PLEKHA5: variants seen among roughly 807,000 people sequenced by gnomAD.
The protein encoded by PLEKHA5 is pleckstrin homology domain containing A5, also known as pleckstrin homology domain-containing family A member 5.
Under a neutral mutation model 181.9 loss-of-function variants are expected in PLEKHA5, and 55 were observed. The ratio of observed to expected loss-of-function variants is 0.30; its 90% CI spans 0.24 to 0.38. The LOEUF (loss-of-function observed/expected upper bound fraction) is 0.38. PLEKHA5 is among the 10% of genes least tolerant of loss of function. The pLI is 1.00. For missense variants in PLEKHA5, 1,432 were observed against 1,549.5 expected, an observed-to-expected ratio of 0.92 and a Z score of 1.27; for synonymous variants, 535 against 529.4, an observed-to-expected ratio of 1.01 and a Z score of -0.15.
chr12:19,129,798 A>G lies in PLEKHA5; in HGVS notation c.-2A>G, dbSNP rs752804536. 1 of 1,597,644 alleles carries G rather than the reference A, an allele frequency of 6.3e-7. No individual in the cohort carries two copies. Among genetic ancestry groups the G allele is most frequent in the Non-Finnish European group, 8.5e-7 (1 of 1,172,736 alleles). On this transcript the variant is annotated 5_prime_UTR_variant, in exon 1 of 32. Transcript: ENST00000429027. ...GGCGGCGGCGGCGGCTAGGGATCAG[A>G]CATGGCGGCGGATCTGAACCTGGAG...
At chr12:19,365,763 C>T (rs868703391) in intron 29 of PLEKHA5, among the ~76,000 whole-genome samples, 12 of 152,156 alleles carry the variant, frequency 7.9e-5, no homozygotes, top group South Asian at 4.2e-4. Flanking sequence ...GATTGGCAAA[C>T]CAAGTAATTA....
chr12:19,294,527 T>C lies in PLEKHA5; in HGVS notation c.2037+2830T>C, dbSNP rs1017593977. ...TGAACATGTACTAATCTATTCTCAC[T>C]CTAACACTTACTCTGCCTCCCCTAA... On this transcript the variant is annotated intron_variant, in intron 15 of 31. Transcript: ENST00000429027. Among the ~76,000 whole-genome samples, 4 of 152,274 alleles carry C rather than the reference T, an allele frequency of 2.6e-5. No individual in the cohort carries two copies. In the East Asian group the frequency reaches 7.7e-4, roughly 29 times the overall value.
At chr12:19,277,354 T>G (rs2074871028) in intron 11 of PLEKHA5, among the ~76,000 whole-genome samples, 3 of 152,098 alleles carry the variant, frequency 2.0e-5, no homozygotes, top group Non-Finnish European at 4.4e-5. Context: ...TATCTGGAAA[T>G]TAGAGGATTT....
At chr12:19,192,869 T>G (rs2051534875) in intron 3 of PLEKHA5, among the ~76,000 whole-genome samples, 1 of 152,196 alleles carries the variant, frequency 6.6e-6, no homozygotes, top group Non-Finnish European at 1.5e-5. Context: ...ATACTTTCGA[T>G]TAGGGGTTAG....
Position 19,376,012 on chromosome 12 carries a change from T to TA in PLEKHA5, c.*497dup, listed in dbSNP as rs1332874204. On this transcript the variant is annotated 3_prime_UTR_variant, in exon 32 of 32. Transcript: ENST00000429027. Reference sequence around the variant, plus strand: ...TGTAAAAATTTTATATATATGTATTTAAAATGTGCCATTTTATTGCTAAGT... The same window carrying TA: ...TGTAAAAATTTTATATATATGTATTTAAAAATGTGCCATTTTATTGCTAAGT... 1 of 152,538 alleles carries TA rather than the reference T, an allele frequency of 6.6e-6. No homozygotes were observed. The highest frequency in any genetic ancestry group is 1.5e-5 in the Non-Finnish European group (1 of 68,018). 9.4% of individuals were successfully genotyped at this position (152,538 alleles called of 1,614,324 possible). A position where few individuals can be genotyped will look rare whatever the true frequency, so the allele number is the denominator to read the frequency against.
intron 20 of PLEKHA5, among the ~76,000 whole-genome samples, chr12:19,327,654 T>C (rs1592506151): frequency 7.8e-6 from 1 of 127,664 alleles, no homozygotes; most frequent in East Asian, 2.1e-4. Flanking sequence ...CTTTTTTTTT[T>C]TTTTTTCTGA....
At chr12:19,364,698 G>A (rs1185402442) in intron 29 of PLEKHA5, among the ~76,000 whole-genome samples, 2 of 150,902 alleles carry the variant, frequency 1.3e-5, no homozygotes, top group African/African-American at 2.4e-5. Context: ...ATCTCACTCT[G>A]TCGCCCAGGC....
rs2073999954 is a variant in PLEKHA5, at chr12:19,274,517, G to A, written c.847G>A (p.Val283Met). Reference sequence around the variant, plus strand: ...TATGATTTTCTTCTCTGATTTCAGAGTGGACAAGATTACATCTGAAAATGC... The same window carrying A: ...TATGATTTTCTTCTCTGATTTCAGAATGGACAAGATTACATCTGAAAATGC... Reference protein sequence around the residue: ...PVKRITFNFRVDKITSENAPT... With the variant: ...PVKRITFNFRMDKITSENAPT... Residue 283 changes from valine to methionine, a missense_variant and splice_region_variant, in exon 11 of 32, where the codon GTG (valine) becomes ATG (methionine). Around this residue, in one of 2 missense-constraint regions of PLEKHA5, gnomAD observed 289 missense variants for 381.1 expected, o/e 0.76. Transcript: ENST00000429027. The A allele has an allele frequency of 6.4e-7, 1 of 1,568,104 alleles. No individual in the cohort carries two copies. The highest frequency in any genetic ancestry group is 1.4e-5 in the African/African-American group (1 of 72,930).
At chr12:19,284,461 C>A (rs2076819849) in intron 12 of PLEKHA5, among the ~76,000 whole-genome samples, 1 of 152,130 alleles carries the variant, frequency 6.6e-6, no homozygotes, top group South Asian at 2.1e-4. Flanking sequence ...TCAAGCTCAT[C>A]CTGTTGTTCA....
intron 3 of PLEKHA5, among the ~76,000 whole-genome samples, chr12:19,193,218 A>T (rs2051660788): frequency 6.6e-6 from 1 of 152,232 alleles, no homozygotes; most frequent in African/African-American, 2.4e-5. Flanking sequence ...TTTTTTAAGA[A>T]GGAAAGTCTT....
At chr12:19,297,044 A>G (rs969501595) in intron 15 of PLEKHA5, among the ~76,000 whole-genome samples, 20 of 152,100 alleles carry the variant, frequency 1.3e-4, no homozygotes, top group African/African-American at 4.8e-4. Flanking sequence ...CAAGTAGGCA[A>G]TGATAACAGC....
intron 31 of PLEKHA5, among the ~76,000 whole-genome samples, chr12:19,370,542 GC>G (rs1345096857): frequency 6.6e-6 from 1 of 151,806 alleles, no homozygotes; most frequent in Non-Finnish European, 1.5e-5. Context: ...AGAATGTTAT[GC>G]CTTTTTCTGC....
intron 3 of PLEKHA5, among the ~76,000 whole-genome samples, chr12:19,211,305 G>A (rs1052197805): frequency 1.3e-5 from 2 of 152,070 alleles, no homozygotes; most frequent in Admixed American, 1.3e-4. Context: ...CAAATACTTA[G>A]CAGATGTGAT....
intron 25 of PLEKHA5, among the ~76,000 whole-genome samples, chr12:19,349,012 A>C (rs2094462675): frequency 6.6e-6 from 1 of 152,132 alleles, no homozygotes; most frequent in Non-Finnish European, 1.5e-5. Flanking sequence ...CTAAGAAATA[A>C]GTTTATGTCA....
chr12:19,322,372 G>A lies in PLEKHA5; in HGVS notation c.2280G>A (p.Gln760=). ...TGCATGCTCTGGAAGAGAAACTTCA[G>A]CAACTCCACAAGGAGAAAGTAGGAC... is the stretch of plus-strand genomic sequence containing the variant. ...KVVHALEEKL[Q]QLHKEKYTLE... is the part of the protein sequence containing the mutation. The change falls in exon 19 of 32, where the codon CAG becomes CAA. Residue 760 remains glutamine (Q), a synonymous_variant. Transcript: ENST00000429027. The A allele has an allele frequency of 6.2e-7, 1 of 1,612,138 alleles. No individual in the cohort carries two copies. Among genetic ancestry groups the A allele is most frequent in the Non-Finnish European group, 8.5e-7 (1 of 1,178,262 alleles).
intron 3 of PLEKHA5, among the ~76,000 whole-genome samples, chr12:19,167,597 C>T (rs142195318): frequency 7.4e-4 from 113 of 152,004 alleles, no homozygotes; most frequent in Non-Finnish European, 1.4e-3. Context: ...ATTTCATTCA[C>T]TCAGCCCAAA....
At chr12:19,352,405 C>A (rs2094646606) in intron 25 of PLEKHA5, among the ~76,000 whole-genome samples, 1 of 150,902 alleles carries the variant, frequency 6.6e-6, no homozygotes, top group South Asian at 2.1e-4. Flanking sequence ...AAGAAAAATA[C>A]AGAAGATAAA....
intron 10 of PLEKHA5, among the ~76,000 whole-genome samples, chr12:19,271,715 G>T (rs924469822): frequency 2.6e-5 from 4 of 152,112 alleles, no homozygotes; most frequent in East Asian, 1.9e-4. Context: ...CGTAATTTGG[G>T]ATGATAAAGA....
intron 12 of PLEKHA5, among the ~76,000 whole-genome samples, chr12:19,285,488 G>A (rs1392241542): frequency 1.3e-5 from 2 of 152,208 alleles, no homozygotes; most frequent in African/African-American, 2.4e-5. Context: ...TTCTTAAAGT[G>A]TAGTTCATGG....
Sources: allele counts gnomAD v4.1 joint callset (sites outside exome capture counted in the v4.1 genomes callset), GRCh38; gene constraint gnomAD v4.1.1; regional missense constraint gnomAD v4.1.1; transcripts MANE v1.5; gene names NCBI Gene and HGNC (gene_info 2026-07-23, HGNC 2026-07-21).